NDUFV1: variants seen among roughly 807,000 people sequenced by gnomAD.
NDUFV1 encodes NADH:ubiquinone oxidoreductase core subunit V1, also known as NADH dehydrogenase [ubiquinone] flavoprotein 1, mitochondrial.
A neutral mutation model predicts 48.7 loss-of-function variants in NDUFV1; 41 were observed. That is an observed-to-expected ratio of 0.84 (90% CI 0.66 to 1.09). The LOEUF is 1.09. Ranked by LOEUF, NDUFV1 falls within the 50% of genes least tolerant of loss-of-function variation. NDUFV1 has a pLI of 0.00. For synonymous variants in NDUFV1, 231 were observed against 259.1 expected, an observed-to-expected ratio of 0.89 and a Z score of 1.04; for missense variants, 580 against 645.4, an observed-to-expected ratio of 0.90 and a Z score of 1.10.
chr11:67,609,318 T>C, intron 3 of NDUFV1, 134 bp from the exon 4 acceptor site: 1 of 855,180 alleles, frequency 1.2e-6, no homozygotes, highest in Non-Finnish European at 1.8e-6. Context: ...CCCTGGGACA[T>C]GTTGGGAGGG....
chr11:67,611,349 T>C lies in NDUFV1; in HGVS notation c.914-54T>C. On this transcript the variant is annotated intron_variant, in intron 6 of 9. Coordinates refer to ENST00000322776, the MANE Select transcript of NDUFV1 (RefSeq NM_007103.4). This position sits in a 1 kb window ranked among gnomAD's most constrained non-coding sequence, Gnocchi z 4.2. Reference sequence around the variant, plus strand: ...GCCTGGGCTCAGGACTAGGCAGGTGTGCCGGCCCCAGCCCTGACCATGCAT... The same window carrying C: ...GCCTGGGCTCAGGACTAGGCAGGTGCGCCGGCCCCAGCCCTGACCATGCAT... The C allele has an allele frequency of 6.2e-7, 1 of 1,604,608 alleles. No homozygotes were observed. Among genetic ancestry groups the C allele is most frequent in the Non-Finnish European group, 8.5e-7 (1 of 1,175,006 alleles).
Position 67,609,565 on chromosome 11 carries a change from G to C in NDUFV1, c.440G>C (p.Arg147Pro). 6.2e-7 allele frequency: 1 copy of C among 1,612,750 alleles called. No homozygotes were observed. Among genetic ancestry groups the C allele is most frequent in the Non-Finnish European group, 8.5e-7 (1 of 1,180,024 alleles). ...KLLEGCLVGG[R>P]AMGARAAYIY... ...CTGGAAGGCTGCCTGGTGGGGGGCC[G>C]GGCCATGGGCGCCCGCGCTGCCTAT... Residue 147 changes from arginine to proline, a missense_variant, in exon 4 of 10, where the codon CGG (arginine) becomes CCG (proline). Coordinates refer to ENST00000322776, the MANE Select transcript of NDUFV1 (RefSeq NM_007103.4).
chr11:67,612,300 G>T lies in NDUFV1; in HGVS notation c.1308+35G>T. On this transcript the variant is annotated intron_variant, in intron 9 of 9. Transcript: ENST00000322776. The surrounding 1 kb of genome is among the most constrained non-coding windows in gnomAD (Gnocchi z 4.4). ...ACCCTTCTGCGTAGCACGGAGGGTG[G>T]GTGGCATCAAGGGCCCAGGGTGTTG... The T allele has an allele frequency of 6.2e-7, 1 of 1,613,978 alleles. No homozygotes were observed. The highest frequency in any genetic ancestry group is 8.5e-7 in the Non-Finnish European group (1 of 1,179,924).
intron 1 of NDUFV1, chr11:67,607,541 T>C (rs1271961667): frequency 2.2e-6 from 1 of 457,814 alleles, no homozygotes; most frequent in East Asian, 6.8e-5. Context: ...TCATCCTAAG[T>C]GAGCCCCTCC....
rs1449143019 is a variant in NDUFV1 at position 67,608,422 on chromosome 11, C to T, written c.99C>T (p.Gly33=). ...CAGCACCCAAGAAAACCTCATTTGG[C>T]TCGCTGAAGGATGAAGACCGGATTT... ...DTTAPKKTSF[G]SLKDEDRIFT... Residue 33 remains glycine (G), a synonymous_variant, in exon 2 of 10, where the codon GGC becomes GGT. Transcript: ENST00000322776. 3 of 1,614,146 alleles carry T rather than the reference C, an allele frequency of 1.9e-6. No individual in the cohort carries two copies. The highest frequency in any genetic ancestry group is 2.5e-6 in the Non-Finnish European group (3 of 1,180,024).
intron 3 of NDUFV1, 127 bp downstream of exon 3, chr11:67,608,849 C>A: frequency 1.5e-6 from 2 of 1,307,710 alleles, no homozygotes; most frequent in Non-Finnish European, 2.1e-6. Flanking sequence ...TGTTCCCAGG[C>A]CTTAAATGGA....
At chr11:67,607,761 G>T in intron 1 of NDUFV1, 1 of 321,212 alleles carries the variant, frequency 3.1e-6, no homozygotes. Flanking sequence ...ACAGACCTGG[G>T]CTCAAATTGG....
Position 67,611,209 on chromosome 11 carries a change from T to G in NDUFV1, c.913+2T>G, listed in dbSNP as rs1302100817. On this transcript the variant is annotated splice_donor_variant, in intron 6 of 9. Transcript: ENST00000322776. LOFTEE classifies it high-confidence loss of function. The surrounding 1 kb of genome is among the most constrained non-coding windows in gnomAD (Gnocchi z 4.2). ...AAGAACTGATTGAGAAGCATGCTGG[T>G]AAGGCCTGGGGCCAGCCAGGTGGTG... 1 of 1,611,044 alleles carries G rather than the reference T, an allele frequency of 6.2e-7. No individual in the cohort carries two copies.
At chr11:67,610,640 G>T (rs1854896359) in intron 5 of NDUFV1, 70 bp downstream of exon 5, 2 of 1,575,272 alleles carry the variant, frequency 1.3e-6, no homozygotes, top group African/African-American at 1.4e-5. Context: ...GCTCCCTTTG[G>T]ATTGTTCTTA....
Position 67,608,618 on chromosome 11 carries a change from C to T in NDUFV1, c.222C>T (p.Asp74=). Residue 74 remains aspartate, a synonymous_variant, in exon 3 of 10, where the codon GAC becomes GAT. Transcript: ENST00000322776. ...KTKEILLKGP[D]WILGEIKTSG... Reference sequence around the variant, plus strand: ...AGGAGATCCTGCTGAAGGGGCCCGACTGGATCCTGGGCGAGATCAAGACAT... The same window carrying T: ...AGGAGATCCTGCTGAAGGGGCCCGATTGGATCCTGGGCGAGATCAAGACAT... 1 of 1,614,200 alleles carries T rather than the reference C, an allele frequency of 6.2e-7. No individual in the cohort carries two copies. Among genetic ancestry groups the T allele is most frequent in the Admixed American group, 1.7e-5 (1 of 60,024 alleles).
chr11:67,608,802 C>T (rs1330856682), intron 3 of NDUFV1, 80 bp downstream of exon 3: 6 of 1,589,548 alleles, frequency 3.8e-6, no homozygotes, highest in Non-Finnish European at 5.1e-6. Flanking sequence ...CCTTTGGGCT[C>T]TTTCCTTAGA....
rs746089850 is a variant in NDUFV1, at chr11:67,612,141, T to G, written c.1184T>G (p.Val395Gly). The change falls in exon 9 of 10, where the codon GTG becomes GGG. Residue 395 changes from valine (V) to glycine (G), a missense_variant. Val to Gly is a moderately radical substitution (Grantham distance 109). Coordinates refer to ENST00000322776, the MANE Select transcript of NDUFV1 (RefSeq NM_007103.4). The surrounding 1 kb of genome is among the most constrained non-coding windows in gnomAD (Gnocchi z 4.4). ...CREGVDWMNK[V>G]MARFVRGDAR... The stretch of plus-strand genomic sequence containing the variant: ...GCAGGTGTGGACTGGATGAACAAGG[T>G]GATGGCACGTTTCGTGAGGGGGGAT... The G allele has an allele frequency of 6.2e-7, 1 of 1,612,774 alleles. No individual in the cohort carries two copies. Among genetic ancestry groups the G allele is most frequent in the Non-Finnish European group, 8.5e-7 (1 of 1,179,726 alleles).
intron 3 of NDUFV1, 40 bp downstream of exon 3, chr11:67,608,762 G>A (rs1458940579): frequency 6.2e-7 from 1 of 1,610,072 alleles, no homozygotes; most frequent in Non-Finnish European, 8.5e-7. Context: ...CTGTGGGAGA[G>A]ACCTTGGGGG....
At position 67,611,120 on chromosome 11, in the gene NDUFV1, T is replaced by C. The variant is rs751443587; in HGVS notation, c.826T>C (p.Phe276Leu). The C allele has an allele frequency of 1.2e-6, 2 of 1,614,224 alleles. No individual in the cohort carries two copies. Among genetic ancestry groups the C allele is most frequent in the African/African-American group, 1.3e-5 (1 of 75,050 alleles). Reference sequence around the variant, plus strand: ...AGAACGCAACTCAGGCACCAAACTATTCAACATCTCTGGCCATGTCAACCA... The same window carrying C: ...AGAACGCAACTCAGGCACCAAACTACTCAACATCTCTGGCCATGTCAACCA... ...GRERNSGTKL[F>L]NISGHVNHPC... Residue 276 changes from phenylalanine to leucine, a missense_variant, in exon 6 of 10, where the codon TTC becomes CTC. By Grantham distance (22) the Phe-to-Leu change is conservative. Coordinates refer to ENST00000322776, the MANE Select transcript of NDUFV1 (RefSeq NM_007103.4). This position sits in a 1 kb window ranked among gnomAD's most constrained non-coding sequence, Gnocchi z 4.2.
intron 1 of NDUFV1, 81 bp downstream of exon 1, chr11:67,607,157 T>C (rs1591108106): frequency 6.9e-7 from 1 of 1,443,094 alleles, no homozygotes; most frequent in African/African-American, 1.4e-5. Flanking sequence ...GTCCCTGGGG[T>C]CTGTAGTGGC....
chr11:67,609,597 A>C lies in NDUFV1; in HGVS notation c.472A>C (p.Ile158Leu). The C allele has an allele frequency of 6.2e-7, 1 of 1,609,284 alleles. No individual in the cohort carries two copies. The highest frequency in any genetic ancestry group is 8.5e-7 in the Non-Finnish European group (1 of 1,179,896). ...GGGCGCCCGCGCTGCCTATATCTAC[A>C]TCCGAGGGGAATTCTACAATGAGGC... is the stretch of plus-strand genomic sequence containing the variant. ...AMGARAAYIY[I>L]RGEFYNEASN... is the part of the protein sequence containing the mutation. Residue 158 changes from isoleucine to leucine, a missense_variant, in exon 4 of 10, where the codon ATC becomes CTC. Coordinates refer to ENST00000322776, the MANE Select transcript of NDUFV1 (RefSeq NM_007103.4).
chr11:67,607,140 A>C, intron 1 of NDUFV1, 64 bp downstream of exon 1: 1 of 1,527,976 alleles, frequency 6.5e-7, no homozygotes, highest in African/African-American at 1.4e-5. Flanking sequence ...GCGCCCGTGC[A>C]CGAGCAGTCC....
intron 5 of NDUFV1, 199 bp from the exon 6 acceptor site, chr11:67,610,796 G>T: frequency 1.3e-6 from 1 of 779,080 alleles, no homozygotes; most frequent in South Asian, 1.7e-5. Context: ...CCTTCACAGT[G>T]CCTGTTCTGA....
chr11:67,609,676 T>A, intron 4 of NDUFV1, 41 bp downstream of exon 4: 1 of 1,591,250 alleles, frequency 6.3e-7, no homozygotes, highest in South Asian at 1.1e-5. Flanking sequence ...AGGTGTTCAG[T>A]GTGCACTCAC....
Sources: gnomAD v4.1 joint callset for allele counts on GRCh38, gnomAD v4.1.1 for gene constraint, Gnocchi (gnomAD v3.1) non-coding constraint, MANE v1.5 for transcripts, NCBI Gene and HGNC (gene_info 2026-07-23, HGNC 2026-07-21) for gene names.